Variants in RGS20 observed in about 807,000 individuals in gnomAD.
RGS20 encodes the protein regulator of G protein signaling 20.
A neutral mutation model predicts 33.6 loss-of-function variants in RGS20; 30 were observed. That is an observed-to-expected ratio of 0.89 (90% CI 0.67 to 1.21). The LOEUF is 1.21. Ranked by LOEUF, RGS20 falls within the 50% of genes most tolerant of loss-of-function variation. RGS20 has a pLI of 0.00. For synonymous variants in RGS20, 208 were observed against 197.9 expected (o/e 1.05, Z -0.43); for missense variants, 472 against 502.4 (o/e 0.94, Z 0.58).
Position 53,880,853 on chromosome 8 carries a change from G to A in RGS20, c.510+1251G>A. On this transcript the variant is annotated intron_variant, in intron 2 of 5. Coordinates refer to ENST00000297313, the MANE Select transcript of RGS20 (RefSeq NM_170587.4). Reference sequence around the variant, plus strand: ...GATTGCCCGGCCGGGTAAAAGGAGTGAGGGGGCGGGGAGGAGGCAGAGCAA... The same window carrying A: ...GATTGCCCGGCCGGGTAAAAGGAGTAAGGGGGCGGGGAGGAGGCAGAGCAA... 2 of 1,418,026 alleles carry A rather than the reference G, an allele frequency of 1.4e-6. No individual in the cohort carries two copies. Among genetic ancestry groups the A allele is most frequent in the Non-Finnish European group, 1.8e-6 (2 of 1,084,586 alleles). The allele number at this position is 1,418,026 out of a possible 1,614,324, so 87.8% of individuals were successfully genotyped here.
rs757348216 is a variant in RGS20, at chr8:53,939,629, G to A, written c.564G>A (p.Gln188=). The A allele has an allele frequency of 6.2e-6, 10 of 1,605,024 alleles. No individual in the cohort carries two copies. Among genetic ancestry groups the A allele is most frequent in the East Asian group, 2.2e-5 (1 of 44,502 alleles). Reference sequence around the variant, plus strand: ...GGAAGCGGCAGATGCCCGCCGCCCAGGACACACCAGGCGCCGCCCCAGGCC... The same window carrying A: ...GGAAGCGGCAGATGCCCGCCGCCCAAGACACACCAGGCGCCGCCCCAGGCC... Residue 188 remains glutamine, a synonymous_variant, in exon 3 of 6, where the codon CAG becomes CAA. Transcript: ENST00000297313.
At chr8:53,868,172 G>C (rs1334185541) in intron 1 of RGS20, among the ~76,000 whole-genome samples, 1 of 152,160 alleles carries the variant, frequency 6.6e-6, no homozygotes, top group African/African-American at 2.4e-5. Context: ...TATGGGATTA[G>C]TAATTAGTCA....
At position 53,851,961 on chromosome 8, in the gene RGS20, T is replaced by C. The variant is rs1811574340; in HGVS notation, c.62T>C (p.Ile21Thr). The C allele has an allele frequency of 1.2e-6, 2 of 1,614,154 alleles. No homozygotes were observed. Among genetic ancestry groups the C allele is most frequent in the Non-Finnish European group, 1.7e-6 (2 of 1,180,020 alleles). Reference sequence around the variant, plus strand: ...CAGAAACATTTCTCCAGGCCGTCTATATGGACACAGTTTCTGCCCCTGTTC... The same window carrying C: ...CAGAAACATTTCTCCAGGCCGTCTACATGGACACAGTTTCTGCCCCTGTTC... The change falls in exon 1 of 6, where the codon ATA becomes ACA. Residue 21 changes from isoleucine to threonine, a missense_variant. Physicochemically the swap from Ile to Thr is moderately conservative, Grantham distance 89 (BLOSUM62 -1). Transcript: ENST00000297313.
In RGS20 at chr8:53,879,460, TG is replaced by T; in HGVS notation, c.369del (p.Pro124ArgfsTer24). On this transcript the variant is annotated frameshift_variant, in exon 2 of 6. Transcript: ENST00000297313. LOFTEE classifies it high-confidence loss of function. ...CGGCTCTCGAGGGGGCACGAGGAGC[TG>T]CCGGGCCGCCTCTCGCTCCTGCTCG... 1 of 1,591,512 alleles carries T rather than the reference TG, an allele frequency of 6.3e-7. No individual in the cohort carries two copies. Among genetic ancestry groups the T allele is most frequent in the Non-Finnish European group, 8.5e-7 (1 of 1,171,284 alleles).
At chr8:53,935,633 A>G (rs1340616982) in intron 2 of RGS20, among the ~76,000 whole-genome samples, 2 of 152,186 alleles carry the variant, frequency 1.3e-5, no homozygotes, top group African/African-American at 4.8e-5. Context: ...AACCAAAAAA[A>G]GGCCCAGGAC....
chr8:53,954,342 C>A (rs750948275), intron 5 of RGS20, 32 bp downstream of exon 4: 2 of 1,435,648 alleles, frequency 1.4e-6, no homozygotes, highest in South Asian at 1.2e-5. Flanking sequence ...TTTCCCAAGG[C>A]TGTTGGTAAA....
In RGS20 at chr8:53,877,579, G is replaced by A. The variant is rs1031635239; in HGVS notation, c.166-1679G>A. Among the ~76,000 whole-genome samples, 3 of 152,216 alleles carry A rather than the reference G, an allele frequency of 2.0e-5. No homozygotes were observed. The highest frequency in any genetic ancestry group is 4.4e-5 in the Non-Finnish European group (3 of 68,042). ...TTTCCCCCTCGAGGGAGCTGTTGGC[G>A]CTTCTCCAGAAGCCTCCTCGGCTCC... On this transcript the variant is annotated intron_variant, in intron 1 of 5. Transcript: ENST00000297313. This position sits in a 1 kb window ranked among gnomAD's most constrained non-coding sequence, Gnocchi z 5.7.
At chr8:53,917,911 A>T (rs1400586132) in intron 2 of RGS20, among the ~76,000 whole-genome samples, 1 of 152,168 alleles carries the variant, frequency 6.6e-6, no homozygotes, top group Non-Finnish European at 1.5e-5. Context: ...TCCCAACCCT[A>T]GGCAACCACT....
rs114739743 is a variant in RGS20 at position 53,915,232 on chromosome 8, G to A, written c.511-24344G>A. Among the ~76,000 whole-genome samples, 368 of 152,140 alleles carry A rather than the reference G, an allele frequency of 2.4e-3. 6 individuals carry two copies. Among genetic ancestry groups the A allele is most frequent in the African/African-American group, 8.4e-3 (347 of 41,472 alleles). On this transcript the variant is annotated intron_variant, in intron 2 of 5. Transcript: ENST00000297313. ...CCCTCACCCAGCTTTGGCCTCTCCA[G>A]AGGTTGCGCAGACCAACAGTGGCAG... is the stretch of plus-strand genomic sequence containing the variant.
At chr8:53,865,731 T>C (rs550884389) in intron 1 of RGS20, among the ~76,000 whole-genome samples, 23 of 152,260 alleles carry the variant, frequency 1.5e-4, no homozygotes, top group African/African-American at 5.5e-4. Context: ...CTCAGCCTCC[T>C]GAGTAGCTGA....
chr8:53,863,218 C>A (rs564112441), intron 1 of RGS20, among the ~76,000 whole-genome samples: 3 of 152,180 alleles, frequency 2.0e-5, no homozygotes, highest in Non-Finnish European at 4.4e-5. Context: ...AACTCCGGAC[C>A]TCAGGTGATC....
intron 2 of RGS20, among the ~76,000 whole-genome samples, chr8:53,918,713 A>C (rs1483149040): frequency 6.6e-6 from 1 of 152,208 alleles, no homozygotes; most frequent in African/African-American, 2.4e-5. Flanking sequence ...TTCAAGGCTC[A>C]TCCATGTTGT....
At chr8:53,920,211 T>C (rs1345517394) in intron 2 of RGS20, among the ~76,000 whole-genome samples, 2 of 152,218 alleles carry the variant, frequency 1.3e-5, no homozygotes, top group Non-Finnish European at 2.9e-5. Context: ...AATCGTTTTG[T>C]GGTTTCCAGT....
chr8:53,913,515 C>G (rs567435557), intron 2 of RGS20: 2 of 152,314 alleles, frequency 1.3e-5, no homozygotes, highest in Admixed American at 6.5e-5. Context: ...CATGCACCAC[C>G]ACATCTGGCT....
At chr8:53,880,953 A>T in intron 2 of RGS20, 1 of 1,568,938 alleles carries the variant, frequency 6.4e-7, no homozygotes, top group South Asian at 1.2e-5. Context: ...CGCGGTGAGC[A>T]ATCGCCGACG....
At chr8:53,918,897 T>C (rs1327220845) in intron 2 of RGS20, among the ~76,000 whole-genome samples, 1 of 152,238 alleles carries the variant, frequency 6.6e-6, no homozygotes, top group Admixed American at 6.5e-5. Flanking sequence ...AGTTTTTGTG[T>C]GGACATGTGT....
At chr8:53,925,492 AGGTGGCTGGATGT>A (rs1397488069) in intron 2 of RGS20, among the ~76,000 whole-genome samples, 2 of 152,218 alleles carry the variant, frequency 1.3e-5, no homozygotes, top group African/African-American at 4.8e-5. Flanking sequence ...AGTTAAAACT[AGGTGGCTGGATGT>A]GGTGGCTCAT....
rs113828770 is a variant in RGS20, at chr8:53,931,776, G to A, written c.511-7800G>A. Among the ~76,000 whole-genome samples, 642 of 152,216 alleles carry A rather than the reference G, an allele frequency of 4.2e-3. 5 individuals are homozygous for A. The highest frequency in any genetic ancestry group is 6.7e-3 in the Non-Finnish European group (456 of 67,996). On this transcript the variant is annotated intron_variant, in intron 2 of 5. Coordinates refer to ENST00000297313, the MANE Select transcript of RGS20 (RefSeq NM_170587.4). ...GTGAGCAGAAGCAGTGTGGGGTGTCGCCTCACCCAGGAAGTGCAAGGTGTC... is the reference window on the plus strand; with the variant it reads ...GTGAGCAGAAGCAGTGTGGGGTGTCACCTCACCCAGGAAGTGCAAGGTGTC...
At chr8:53,907,247 T>C (rs1182145482) in intron 2 of RGS20, among the ~76,000 whole-genome samples, 1 of 151,998 alleles carries the variant, frequency 6.6e-6, no homozygotes, top group South Asian at 2.1e-4. Flanking sequence ...TTCTGAAGCA[T>C]TTGATGTTTT....
Sources: gnomAD v4.1 joint callset for allele counts (sites outside exome capture counted in the v4.1 genomes callset) on GRCh38, gnomAD v4.1.1 for gene constraint, Gnocchi (gnomAD v3.1) non-coding constraint, MANE v1.5 for transcripts, NCBI Gene and HGNC (gene_info 2026-07-23, HGNC 2026-07-21) for gene names.